SOX5: variants seen among roughly 807,000 people sequenced by gnomAD.
The protein encoded by SOX5 is SRY-box transcription factor 5.
Under a neutral mutation model 92.0 loss-of-function variants are expected in SOX5, and 9 were observed. The ratio of observed to expected loss-of-function variants is 0.10; its 90% confidence interval spans 0.06 to 0.17. The LOEUF (loss-of-function observed/expected upper bound fraction) is 0.17, where lower values mean the gene tolerates loss of function less well. SOX5 is among the 10% of genes least tolerant of loss of function. The probability of loss-of-function intolerance (pLI) is 1.00; values close to 1 mark genes in which losing one functional copy is unlikely to be tolerated. For synonymous variants in SOX5, 344 were observed against 336.3 expected (o/e 1.02, Z -0.25); for missense variants, 642 against 944.5 (o/e 0.68, Z 4.20).
intron 4 of SOX5, among the ~76,000 whole-genome samples, chr12:23,751,016 TC>T (rs1156635711): frequency 6.6e-5 from 10 of 152,040 alleles, no homozygotes; most frequent in Admixed American, 5.9e-4. Context: ...GCGCCAGCAG[TC>T]TTTCTTTAGT....
chr12:24,433,628 G>A (rs945006561), intron 1 of SOX5, among the ~76,000 whole-genome samples: 3 of 152,144 alleles, frequency 2.0e-5, no homozygotes, highest in East Asian at 1.9e-4. Flanking sequence ...TAACCATAAC[G>A]TTGAAAACAC....
chr12:23,929,179 T>G (rs766047247), intron 1 of SOX5, among the ~76,000 whole-genome samples: 3 of 151,948 alleles, frequency 2.0e-5, no homozygotes, highest in Non-Finnish European at 2.9e-5. Context: ...CAACAATGCA[T>G]TTCCTTCCAA....
intron 7 of SOX5, among the ~76,000 whole-genome samples, chr12:23,658,215 T>C (rs2082562782): frequency 6.6e-6 from 1 of 152,196 alleles, no homozygotes; most frequent in African/African-American, 2.4e-5. Flanking sequence ...CAAAGACATA[T>C]CCCTTTTTCA....
intron 1 of SOX5, among the ~76,000 whole-genome samples, chr12:24,424,817 G>GGT (rs1418932045): frequency 2.0e-5 from 3 of 150,082 alleles, no homozygotes; most frequent in African/African-American, 4.9e-5. Flanking sequence ...TTGGGGGGGG[G>GGT]GGATGGCTGT....
chr12:23,826,996 C>T (rs1023030595), intron 3 of SOX5, among the ~76,000 whole-genome samples: 1 of 152,204 alleles, frequency 6.6e-6, no homozygotes, highest in African/African-American at 2.4e-5. Context: ...TTGTGTGCTT[C>T]TGCAGCTACT....
chr12:23,798,626 T>A (rs923856535), intron 3 of SOX5, among the ~76,000 whole-genome samples: 1 of 150,702 alleles, frequency 6.6e-6, no homozygotes, highest in South Asian at 2.1e-4. Flanking sequence ...ACCAGTTCTC[T>A]CTTACAACAC....
At chr12:24,232,600 G>C (rs1253562612) in intron 3 of SOX5, among the ~76,000 whole-genome samples, 2 of 152,148 alleles carry the variant, frequency 1.3e-5, no homozygotes, top group African/African-American at 4.8e-5. Context: ...AAATATTGCT[G>C]ATTTCTGGCT....
intron 1 of SOX5, among the ~76,000 whole-genome samples, chr12:24,405,293 T>C (rs1962661008): frequency 6.6e-6 from 1 of 152,088 alleles, no homozygotes; most frequent in South Asian, 2.1e-4. Flanking sequence ...TATTTTATCA[T>C]GGGGGGGTAT....
chr12:23,958,922 C>T lies in SOX5; in HGVS notation c.-1-62898G>A, dbSNP rs538970515. Among the ~76,000 whole-genome samples, 78 of 151,614 alleles carry T rather than the reference C, an allele frequency of 5.1e-4. 1 individual carries two copies. The South Asian group carries it at 0.016, about 31-fold the overall frequency. ...ATATCTTTCATATATATGATAACAC[C>T]TAGTCATTAGAGATAATGGGGAAAA... On this transcript the variant is annotated intron_variant, in intron 4 of 4. Transcript: ENST00000446891.
intron 7 of SOX5, among the ~76,000 whole-genome samples, chr12:23,653,739 T>A (rs1306771167): frequency 6.6e-6 from 1 of 152,088 alleles, no homozygotes; most frequent in Non-Finnish European, 1.5e-5. Context: ...ATAAGGACTT[T>A]GCCCTCATGA....
At chr12:23,606,611 T>C (rs961345819) in intron 8 of SOX5, among the ~76,000 whole-genome samples, 1 of 151,938 alleles carries the variant, frequency 6.6e-6, no homozygotes, top group African/African-American at 2.4e-5. Flanking sequence ...TGATTCAATA[T>C]TTAAATATTA....
At chr12:24,258,545 T>C (rs1941602805) in intron 3 of SOX5, among the ~76,000 whole-genome samples, 1 of 152,194 alleles carries the variant, frequency 6.6e-6, no homozygotes, top group Non-Finnish European at 1.5e-5. Context: ...TTACCTGTTA[T>C]TTGTTAGAAA....
At chr12:24,396,813 T>C (rs900410367) in intron 1 of SOX5, among the ~76,000 whole-genome samples, 7 of 152,110 alleles carry the variant, frequency 4.6e-5, no homozygotes, top group African/African-American at 1.7e-4. Context: ...TACAACAGAG[T>C]GTTTTTGTGG....
chr12:24,118,325 T>A (rs2138277468), intron 4 of SOX5, among the ~76,000 whole-genome samples: 2 of 152,288 alleles, frequency 1.3e-5, no homozygotes, highest in South Asian at 4.1e-4. Flanking sequence ...TTGTACTATC[T>A]ACTATGTATA....
In SOX5 at chr12:23,660,133, T is replaced by C. The variant is rs143710224; in HGVS notation, c.931+5311A>G. 3.4e-3 allele frequency among the ~76,000 whole-genome samples: 522 copies of C among 152,330 alleles called. 1 individual carries two copies. The highest frequency in any genetic ancestry group is 0.012 in the African/African-American group (500 of 41,576). ...CTCATTCATGTATGGCAGAGTGAGT[T>C]TGATCCTAACTCAAAGAGAGTGAGT... is the stretch of plus-strand genomic sequence containing the variant. On this transcript the variant is annotated intron_variant, in intron 7 of 14. Transcript: ENST00000451604.
intron 1 of SOX5, among the ~76,000 whole-genome samples, chr12:24,465,522 TG>T (rs1944130612): frequency 6.6e-6 from 1 of 152,156 alleles, no homozygotes; most frequent in Non-Finnish European, 1.5e-5. Context: ...TCGTAGTGCT[TG>T]CAAACAAATG....
chr12:24,470,019 A>G (rs1245255753), intron 1 of SOX5, among the ~76,000 whole-genome samples: 2 of 152,200 alleles, frequency 1.3e-5, no homozygotes, highest in Non-Finnish European at 2.9e-5. Flanking sequence ...TATATTATAA[A>G]CTTTTAAACT....
intron 4 of SOX5, among the ~76,000 whole-genome samples, chr12:24,085,077 G>A (rs180984211): frequency 6.1e-5 from 8 of 131,844 alleles, no homozygotes; most frequent in East Asian, 2.7e-4. Context: ...AAAAGAGGGC[G>A]CATGTTCTTA....
chr12:24,411,697 T>C (rs960582948), intron 1 of SOX5, among the ~76,000 whole-genome samples: 6 of 152,212 alleles, frequency 3.9e-5, no homozygotes, highest in African/African-American at 1.4e-4. Flanking sequence ...TTTTTACATA[T>C]TGTTGAATTC....
Sources: gnomAD v4.1 joint callset for allele counts (sites outside exome capture counted in the v4.1 genomes callset) on GRCh38, gnomAD v4.1.1 for gene constraint, MANE v1.5 for transcripts, NCBI Gene and HGNC (gene_info 2026-07-23, HGNC 2026-07-21) for gene names.